RBFOX1: variants seen among roughly 807,000 people sequenced by gnomAD.
RBFOX1 encodes RNA binding fox-1 homolog 1.
RBFOX1 carries 8 observed loss-of-function variants against 57.7 expected under a neutral mutation model. That is an observed-to-expected ratio of 0.14 (90% CI 0.08 to 0.25). The LOEUF is 0.25. Among genes scored for constraint, RBFOX1 ranks in the 10% least tolerant of loss-of-function variants. RBFOX1 has a pLI of 1.00. For missense variants in RBFOX1, 611 were observed against 548.5 expected (o/e 1.11, Z -1.14); for synonymous variants, 326 against 222.4 (o/e 1.47, Z -4.15).
chr16:6,496,141 A>G (rs1266489543), intron 2 of RBFOX1, among the ~76,000 whole-genome samples: 1 of 151,742 alleles, frequency 6.6e-6, no homozygotes, highest in Admixed American at 6.6e-5. Context: ...GGGAATTTGG[A>G]AAGGCATGGC....
intron 4 of RBFOX1, among the ~76,000 whole-genome samples, chr16:7,369,800 G>A (rs2147232593): frequency 1.3e-5 from 2 of 152,240 alleles, no homozygotes; most frequent in South Asian, 4.2e-4. Context: ...TAATTGCAGT[G>A]ATCATAATAG....
intron 2 of RBFOX1, among the ~76,000 whole-genome samples, chr16:6,640,374 C>T (rs2098477119): frequency 6.6e-6 from 1 of 151,988 alleles, no homozygotes; most frequent in Non-Finnish European, 1.5e-5. Context: ...TTGGGGAGGC[C>T]GAGGTGGGCG....
intron 3 of RBFOX1, among the ~76,000 whole-genome samples, chr16:6,835,836 C>G (rs2093056444): frequency 6.7e-6 from 1 of 150,324 alleles, no homozygotes. Context: ...CAGTTCTACT[C>G]CATAATGTGA....
At chr16:5,932,730 A>G (rs919927546) in intron 4 of RBFOX1, among the ~76,000 whole-genome samples, 20 of 152,172 alleles carry the variant, frequency 1.3e-4, no homozygotes, top group Non-Finnish European at 1.2e-4. Context: ...GTTTACGTGC[A>G]TTTCCCATCT....
chr16:6,934,417 C>T (rs1242850667), intron 3 of RBFOX1, among the ~76,000 whole-genome samples: 1 of 152,054 alleles, frequency 6.6e-6, no homozygotes, highest in African/African-American at 2.4e-5. Flanking sequence ...AAAGGGAGAC[C>T]TGCCTTTACA....
chr16:6,397,280 C>G (rs1345333340), intron 2 of RBFOX1, among the ~76,000 whole-genome samples: 1 of 152,130 alleles, frequency 6.6e-6, no homozygotes, highest in African/African-American at 2.4e-5. Flanking sequence ...ATAAAAACAT[C>G]TTGAAAACAA....
At chr16:6,911,337 A>C (rs963886311) in intron 3 of RBFOX1, among the ~76,000 whole-genome samples, 1 of 152,132 alleles carries the variant, frequency 6.6e-6, no homozygotes, top group Non-Finnish European at 1.5e-5. Flanking sequence ...TGTGGAGGCC[A>C]GAAGTCCAAG....
chr16:7,675,598 C>T (rs1203127841), intron 13 of RBFOX1, among the ~76,000 whole-genome samples: 1 of 152,182 alleles, frequency 6.6e-6, no homozygotes, highest in African/African-American at 2.4e-5. Flanking sequence ...GAAATTGAGA[C>T]CCGTGTACCT....
chr16:5,959,731 G>C (rs572689079), intron 4 of RBFOX1, among the ~76,000 whole-genome samples: 11 of 152,176 alleles, frequency 7.2e-5, no homozygotes, highest in Non-Finnish European at 1.6e-4. Context: ...AGAATCACTT[G>C]ATCCCAGGAG....
rs1014096870 is a variant in RBFOX1, at chr16:6,097,456, T to C, written c.-127+77464T>C. Among the ~76,000 whole-genome samples the C allele has an allele frequency of 1.3e-5, 2 of 152,166 alleles. No homozygotes were observed. The highest frequency in any genetic ancestry group is 2.9e-5 in the Non-Finnish European group (2 of 68,026). On this transcript the variant is annotated intron_variant, in intron 1 of 15. Coordinates refer to ENST00000550418, the MANE Select transcript of RBFOX1 (RefSeq NM_018723.4). The surrounding 1 kb of genome is among the most constrained non-coding windows in gnomAD (Gnocchi z 5.0). ...GTTTGTGAGAGATGCAGATTCTTGG[T>C]GCCCATCCAAACCTACAGAAGCAGA...
intron 3 of RBFOX1, among the ~76,000 whole-genome samples, chr16:6,935,894 G>A (rs72772289): frequency 0.12 from 18,221 of 152,138 alleles, 1,222 homozygotes; most frequent in East Asian, 0.16. Flanking sequence ...CACATCGGTT[G>A]CTAATGGAAC....
chr16:5,471,104 G>A (rs755276753), intron 2 of RBFOX1, among the ~76,000 whole-genome samples: 2 of 152,224 alleles, frequency 1.3e-5, no homozygotes, highest in East Asian at 3.9e-4. Context: ...AAAGTGCTGG[G>A]ATTGCAGGCG....
At chr16:7,237,577 A>C (rs547967371) in intron 4 of RBFOX1, among the ~76,000 whole-genome samples, 1 of 152,218 alleles carries the variant, frequency 6.6e-6, no homozygotes, top group African/African-American at 2.4e-5. Flanking sequence ...CTGGCTTCCT[A>C]TGTCAACTCT....
At chr16:6,261,080 C>T (rs2097698913) in intron 1 of RBFOX1, among the ~76,000 whole-genome samples, 1 of 152,144 alleles carries the variant, frequency 6.6e-6, no homozygotes. Context: ...TGTTAAACCT[C>T]TGCACAAGAG....
intron 8 of RBFOX1, among the ~76,000 whole-genome samples, chr16:7,596,504 C>G (rs1017493093): frequency 2.0e-5 from 3 of 152,062 alleles, no homozygotes; most frequent in Non-Finnish European, 2.9e-5. Flanking sequence ...TGTATACAAA[C>G]CCATGCTGGC....
At position 6,805,337 on chromosome 16, in the gene RBFOX1, A is replaced by G. The variant is rs576973524; in HGVS notation, c.-16+150687A>G. Among the ~76,000 whole-genome samples, 6 of 152,320 alleles carry G rather than the reference A, an allele frequency of 3.9e-5. No individual in the cohort carries two copies. In the South Asian group the frequency reaches 1.2e-3, roughly 32 times the overall value. On this transcript the variant is annotated intron_variant, in intron 3 of 15. Coordinates refer to ENST00000550418, the MANE Select transcript of RBFOX1 (RefSeq NM_018723.4). ...CTCACTTACAAGTGGGAATTCAGTG[A>G]TTTGAACACATGGACACACAGAGGG...
chr16:7,244,452 C>T (rs1338595178), intron 4 of RBFOX1, among the ~76,000 whole-genome samples: 1 of 152,094 alleles, frequency 6.6e-6, no homozygotes, highest in African/African-American at 2.4e-5. Context: ...ATATTGAGAT[C>T]AAGTTTGGCC....
intron 4 of RBFOX1, among the ~76,000 whole-genome samples, chr16:7,296,144 C>T (rs1221538113): frequency 1.3e-5 from 2 of 151,370 alleles, no homozygotes; most frequent in African/African-American, 4.9e-5. Context: ...TCTGTAATGA[C>T]ATTTTCGACA....
At chr16:5,268,323 G>A (rs571117649) in intron 1 of RBFOX1, among the ~76,000 whole-genome samples, 14 of 152,226 alleles carry the variant, frequency 9.2e-5, no homozygotes, top group South Asian at 2.1e-4. Flanking sequence ...AGCATCTTTC[G>A]TTTGAGAGAT....
Sources: gnomAD v4.1 joint callset for allele counts (sites outside exome capture counted in the v4.1 genomes callset) on GRCh38, gnomAD v4.1.1 for gene constraint, Gnocchi (gnomAD v3.1) non-coding constraint, MANE v1.5 for transcripts, NCBI Gene and HGNC (gene_info 2026-07-23, HGNC 2026-07-21) for gene names.